Variants in PPP4R2 observed in about 807,000 individuals in gnomAD.
PPP4R2 encodes the protein serine/threonine-protein phosphatase 4 regulatory subunit 2.
PPP4R2 carries 13 observed loss-of-function variants against 47.2 expected under a neutral mutation model. That is an observed-to-expected ratio of 0.28 (90% CI 0.18 to 0.44). The LOEUF (loss-of-function observed/expected upper bound fraction) is 0.44. PPP4R2 is among the 20% of genes least tolerant of loss of function. PPP4R2 has a pLI of 1.00. For missense variants in PPP4R2, 421 were observed against 491.2 expected (o/e 0.86, Z 1.35); for synonymous variants, 151 against 163.3 (o/e 0.92, Z 0.57).
chr3:73,020,686 A>G (rs971430679), intron 2 of PPP4R2, among the ~76,000 whole-genome samples: 3 of 151,776 alleles, frequency 2.0e-5, no homozygotes, highest in Non-Finnish European at 4.4e-5. Context: ...AAAAAAAAAA[A>G]AAAAAGTTAA....
chr3:73,065,071 C>T lies in PPP4R2; in HGVS notation c.858C>T (p.Asp286=), dbSNP rs1204128488. ...TEASSSSQDK[D]KDSRCTRQHC... is the part of the protein sequence containing the mutation. The stretch of plus-strand genomic sequence containing the variant: ...CATCATCTTCATCTCAGGATAAAGA[C>T]AAAGATAGCCGTTGTACCCGGCAGC... Residue 286 remains aspartate, a synonymous_variant, in exon 8 of 9, where the codon GAC becomes GAT. Transcript: ENST00000356692. The T allele has an allele frequency of 6.2e-7, 1 of 1,613,860 alleles. No homozygotes were observed. The highest frequency in any genetic ancestry group is 1.7e-5 in the Admixed American group (1 of 59,990).
At chr3:73,027,252 A>G (rs9816792) in intron 2 of PPP4R2, among the ~76,000 whole-genome samples, 3 of 151,952 alleles carry the variant, frequency 2.0e-5, no homozygotes, top group Non-Finnish European at 2.9e-5. Context: ...TCAGCCTCCC[A>G]AGTAGCTGGG....
At chr3:73,046,511 T>A (rs1181174148) in intron 2 of PPP4R2, among the ~76,000 whole-genome samples, 2 of 152,102 alleles carry the variant, frequency 1.3e-5, no homozygotes, top group African/African-American at 2.4e-5. Flanking sequence ...ACTGGTGAAA[T>A]GTGAGGAAAG....
chr3:73,056,505 G>C (rs907982296), intron 3 of PPP4R2, among the ~76,000 whole-genome samples: 1 of 152,110 alleles, frequency 6.6e-6, no homozygotes, highest in South Asian at 2.1e-4. Flanking sequence ...TGCAGAAAGT[G>C]TTTGGTTGGG....
intron 2 of PPP4R2, among the ~76,000 whole-genome samples, chr3:73,028,153 A>G (rs541992138): frequency 6.6e-6 from 1 of 151,428 alleles, no homozygotes; most frequent in African/African-American, 2.4e-5. Context: ...GCTACTCAGG[A>G]AGCTGAGGCA....
intron 2 of PPP4R2, among the ~76,000 whole-genome samples, chr3:73,034,067 T>C (rs1702218424): frequency 6.6e-6 from 1 of 152,246 alleles, no homozygotes; most frequent in South Asian, 2.1e-4. Context: ...GTGCTTGTTA[T>C]TTTTCATTTT....
intron 5 of PPP4R2, chr3:73,062,532 A>G: frequency 6.2e-7 from 1 of 1,613,924 alleles, no homozygotes; most frequent in South Asian, 1.1e-5. Context: ...GAGGTCTAAT[A>G]CTGTGGTTGG....
At chr3:73,030,666 A>AT (rs145435878) in intron 2 of PPP4R2, among the ~76,000 whole-genome samples, 7,097 of 150,078 alleles carry the variant, frequency 0.047, 564 homozygotes, top group African/African-American at 0.17. Context: ...AGAACCAACT[A>AT]TATCTGAGGG....
chr3:73,043,410 C>T (rs1702421485), intron 2 of PPP4R2, among the ~76,000 whole-genome samples: 1 of 152,124 alleles, frequency 6.6e-6, no homozygotes, highest in Admixed American at 6.6e-5. Context: ...ATTATCCTCA[C>T]CATTTTTAAA....
chr3:73,051,198 A>T (rs1044008720), intron 3 of PPP4R2, among the ~76,000 whole-genome samples: 1 of 152,216 alleles, frequency 6.6e-6, no homozygotes, highest in East Asian at 1.9e-4. Flanking sequence ...TACAGGCATG[A>T]GCCACCGCAC....
chr3:73,047,445 T>C, intron 3 of PPP4R2, 89 bp downstream of exon 3: 2 of 759,726 alleles, frequency 2.6e-6, no homozygotes, highest in South Asian at 2.6e-5. Flanking sequence ...GGTTGATGAT[T>C]GATTATCCAT....
chr3:73,029,360 T>C (rs1490073428), intron 2 of PPP4R2, among the ~76,000 whole-genome samples: 1 of 152,250 alleles, frequency 6.6e-6, no homozygotes, highest in East Asian at 1.9e-4. Flanking sequence ...GGCAGGGGTA[T>C]TGAAATCAGG....
At chr3:73,022,342 T>G (rs1181586049) in intron 2 of PPP4R2, among the ~76,000 whole-genome samples, 1 of 152,072 alleles carries the variant, frequency 6.6e-6, no homozygotes, top group Non-Finnish European at 1.5e-5. Context: ...GATTTTTAAA[T>G]AAGCTTAGGT....
chr3:73,000,424 G>A (rs1190106082), intron 2 of PPP4R2, among the ~76,000 whole-genome samples: 4 of 152,238 alleles, frequency 2.6e-5, no homozygotes. Flanking sequence ...AACTGTTTAT[G>A]GATCAAAATC....
intron 2 of PPP4R2, among the ~76,000 whole-genome samples, chr3:73,029,511 G>A (rs2107272693): frequency 6.6e-6 from 1 of 152,268 alleles, no homozygotes; most frequent in African/African-American, 2.4e-5. Flanking sequence ...AAAGGAGTCA[G>A]TAGTGACTCA....
At chr3:73,051,899 A>G (rs1312193758) in intron 3 of PPP4R2, among the ~76,000 whole-genome samples, 1 of 152,216 alleles carries the variant, frequency 6.6e-6, no homozygotes, top group Non-Finnish European at 1.5e-5. Context: ...TGCTGGGATT[A>G]CAGGCGTGAA....
At chr3:73,011,113 C>A (rs1248394724) in intron 2 of PPP4R2, among the ~76,000 whole-genome samples, 1 of 152,196 alleles carries the variant, frequency 6.6e-6, no homozygotes, top group African/African-American at 2.4e-5. Context: ...CCATTTGCCC[C>A]TTGTTCAGTT....
Position 73,064,849 on chromosome 3 carries a change from C to T in PPP4R2, c.639-3C>T, listed in dbSNP as rs775832909. On this transcript the variant is annotated splice_polypyrimidine_tract_variant and splice_region_variant and intron_variant, in intron 7 of 8. Transcript: ENST00000356692. ...TAATGACACTTTAAAAAAACATTTA[C>T]AGTGACTCTTCGACCTCTGAATCAG... 6 of 1,584,556 alleles carry T rather than the reference C, an allele frequency of 3.8e-6. No homozygotes were observed. Among genetic ancestry groups the T allele is most frequent in the Non-Finnish European group, 5.1e-6 (6 of 1,168,986 alleles).
At chr3:73,041,387 T>C (rs1011308311) in intron 2 of PPP4R2, among the ~76,000 whole-genome samples, 1 of 152,262 alleles carries the variant, frequency 6.6e-6, no homozygotes, top group African/African-American at 2.4e-5. Context: ...TTTCTTACTT[T>C]TGCAGATCTT....
Sources: allele counts gnomAD v4.1 joint callset (sites outside exome capture counted in the v4.1 genomes callset), GRCh38; gene constraint gnomAD v4.1.1; transcripts MANE v1.5; gene names NCBI Gene and HGNC (gene_info 2026-07-23, HGNC 2026-07-21).